SP140: variants seen among roughly 807,000 people sequenced by gnomAD.
SP140 encodes the protein SP140 nuclear body protein.
A neutral mutation model predicts 125.0 loss-of-function variants in SP140; 81 were observed. The ratio of observed to expected loss-of-function variants is 0.65; its 90% confidence interval spans 0.54 to 0.78. SP140 has a LOEUF of 0.78. SP140 is among the 30% of genes least tolerant of loss of function. The probability of loss-of-function intolerance (pLI) is 0.00; values close to 1 mark genes in which losing one functional copy is unlikely to be tolerated. For missense variants in SP140, 858 were observed against 1,037.0 expected (o/e 0.83, Z 2.37); for synonymous variants, 312 against 354.0 (o/e 0.88, Z 1.33).
intron 3 of SP140, among the ~76,000 whole-genome samples, chr2:230,214,626 CCAGA>C (rs1391827515): frequency 6.6e-6 from 1 of 152,230 alleles, no homozygotes; most frequent in African/African-American, 2.4e-5. Context: ...TGTCCTTCCA[CCAGA>C]CCTGATCTTT....
chr2:230,293,341 A>AT (rs925375642), intron 20 of SP140, among the ~76,000 whole-genome samples: 7 of 152,214 alleles, frequency 4.6e-5, no homozygotes, highest in East Asian at 3.9e-4. Context: ...ATTTTATTTT[A>AT]TTTATTTATT....
intron 7 of SP140, 33 bp from the exon 8 acceptor site, chr2:230,247,883 T>C (rs754790503): frequency 6.2e-7 from 1 of 1,602,534 alleles, no homozygotes; most frequent in East Asian, 2.2e-5. Context: ...GGAAATTACA[T>C]ACACTCTCAG....
upstream of SP140, among the ~76,000 whole-genome samples, chr2:230,224,101 T>C (rs1344074848): frequency 1.3e-5 from 2 of 152,234 alleles, no homozygotes; most frequent in African/African-American, 4.8e-5. Flanking sequence ...AGGCTATCCT[T>C]ACCTGGGCTA....
intron 12 of SP140, among the ~76,000 whole-genome samples, chr2:230,266,012 T>C (rs66596912): frequency 0.079 from 12,079 of 152,208 alleles, 669 homozygotes; most frequent in South Asian, 0.19. Context: ...ATCGTGAAGA[T>C]CTGTTCCATT....
chr2:230,206,086 C>T (rs759804842), intron 1 of SP140, among the ~76,000 whole-genome samples: 6 of 152,138 alleles, frequency 3.9e-5, no homozygotes, highest in Non-Finnish European at 7.4e-5. Context: ...CTTAAAAGGA[C>T]ACCAGCCCTG....
At chr2:230,272,709 G>T (rs776456691) in intron 15 of SP140, among the ~76,000 whole-genome samples, 2 of 152,130 alleles carry the variant, frequency 1.3e-5, no homozygotes, top group Non-Finnish European at 2.9e-5. Context: ...GACTAATACA[G>T]TAACCAAATC....
At chr2:230,292,027 A>G (rs1197929583) in intron 19 of SP140, among the ~76,000 whole-genome samples, 1 of 152,234 alleles carries the variant, frequency 6.6e-6, no homozygotes, top group Non-Finnish European at 1.5e-5. Context: ...AATGGTGTTG[A>G]GCATGTGACT....
chr2:230,301,557 A>AT, intron 22 of SP140, among the ~76,000 whole-genome samples: 1 of 152,362 alleles, frequency 6.6e-6, no homozygotes, highest in Middle Eastern at 3.4e-3. Flanking sequence ...TGAAGGAAAG[A>AT]TAAAGTCTTT....
At position 230,211,925 on chromosome 2, in the gene SP140, A is replaced by G. The variant is rs933831038; in HGVS notation, c.-322-1729A>G. 6.6e-6 allele frequency among the ~76,000 whole-genome samples: 1 copy of G among 152,230 alleles called. No homozygotes were observed. Among genetic ancestry groups the G allele is most frequent in the South Asian group, 2.1e-4 (1 of 4,834 alleles). ...ACGTTTAATGTAATCAAACTCCATTATGATGATGGTTTGGGGAGGACAAGT... is the reference window on the plus strand; with the variant it reads ...ACGTTTAATGTAATCAAACTCCATTGTGATGATGGTTTGGGGAGGACAAGT... On this transcript the variant is annotated intron_variant, in intron 1 of 4. Transcript: ENST00000456542. The surrounding 1 kb of genome is among the most constrained non-coding windows in gnomAD (Gnocchi z 4.2).
rs868703292 is a variant in SP140 at position 230,213,085 on chromosome 2, A to G, written c.-322-569A>G. The G allele has an allele frequency of 4.4e-6, 7 of 1,575,348 alleles. No individual in the cohort carries two copies. In the Middle Eastern group the frequency reaches 1.2e-3, roughly 271 times the overall value. ...CTGGAGACTCAGAATTACTTGGGGA[A>G]GGGGATTTCTTAATACATGCCTTCC... On this transcript the variant is annotated intron_variant, in intron 1 of 4. Transcript: ENST00000456542.
intron 22 of SP140, among the ~76,000 whole-genome samples, chr2:230,299,897 T>C (rs1292044724): frequency 6.6e-6 from 1 of 152,150 alleles, no homozygotes; most frequent in Non-Finnish European, 1.5e-5. Flanking sequence ...TAATCCCCTC[T>C]GGAACATAAA....
rs986216890 is a variant in SP140, at chr2:230,287,806, C to T, written c.1646-86C>T. On this transcript the variant is annotated intron_variant, in intron 17 of 26. Transcript: ENST00000392045. Reference sequence around the variant, plus strand: ...CATTAAACAGGCTTTTGGAAAGTTACATTTAAATGGAATTTTTGAAAAGCT... The same window carrying T: ...CATTAAACAGGCTTTTGGAAAGTTATATTTAAATGGAATTTTTGAAAAGCT... The T allele has an allele frequency of 5.7e-5, 67 of 1,176,874 alleles. No individual in the cohort carries two copies. In the Admixed American group the frequency reaches 6.2e-4, roughly 11 times the overall value. 72.9% of individuals were successfully genotyped at this position (1,176,874 alleles called of 1,614,324 possible). A position where few individuals can be genotyped will look rare whatever the true frequency, so the allele number is the denominator to read the frequency against.
chr2:230,261,940 G>A (rs1211251574), intron 12 of SP140, among the ~76,000 whole-genome samples: 5 of 152,088 alleles, frequency 3.3e-5, no homozygotes, highest in Admixed American at 6.6e-5. Flanking sequence ...CTTTCCTGGT[G>A]TTGGTATTAG....
chr2:230,211,548 T>C lies in SP140; in HGVS notation c.-322-2106T>C. 6.2e-7 allele frequency: 1 copy of C among 1,601,590 alleles called. No homozygotes were observed. The highest frequency in any genetic ancestry group is 1.1e-5 in the South Asian group (1 of 90,832). ...CTTATTTGGGGGATCAGGTTGTCAC[T>C]GGCCACTGAATGGAGGAAGAAAAAG... On this transcript the variant is annotated intron_variant, in intron 1 of 4. Coordinates refer to the SP140 transcript ENST00000456542. The surrounding 1 kb of genome is among the most constrained non-coding windows in gnomAD (Gnocchi z 4.2).
intron 3 of SP140, chr2:230,238,921 T>C (rs778539975): frequency 6.5e-6 from 10 of 1,548,086 alleles, no homozygotes; most frequent in East Asian, 4.9e-5. Context: ...TTCCGAACCA[T>C]GTGGTTGAAT....
At chr2:230,236,931 A>G in intron 1 of SP140, 152 bp from the exon 2 acceptor site, 1 of 537,258 alleles carries the variant, frequency 1.9e-6, no homozygotes, top group Non-Finnish European at 3.1e-6. Context: ...CCCAAAATAA[A>G]TAAATTCCAT....
rs2051034658 is a variant in SP140 at position 230,255,540 on chromosome 2, C to T, written c.1240+8C>T. 1 of 1,561,326 alleles carries T rather than the reference C, an allele frequency of 6.4e-7. No individual in the cohort carries two copies. Among genetic ancestry groups the T allele is most frequent in the Non-Finnish European group, 8.8e-7 (1 of 1,138,972 alleles). On this transcript the variant is annotated splice_region_variant and intron_variant, in intron 12 of 26. Transcript: ENST00000392045. The stretch of plus-strand genomic sequence containing the variant: ...TAGCAAGACGTGGGTCAGGTAAGGA[C>T]GGGGGGGGGGATTTCTGGCCCTGGG...
At chr2:230,275,746 A>G (rs1425374763) in intron 15 of SP140, among the ~76,000 whole-genome samples, 1 of 152,224 alleles carries the variant, frequency 6.6e-6, no homozygotes, top group Non-Finnish European at 1.5e-5. Flanking sequence ...AAAAGCTGAG[A>G]GGCTGAAAAC....
At chr2:230,308,400 A>T (rs889100463) in intron 22 of SP140, among the ~76,000 whole-genome samples, 1 of 152,028 alleles carries the variant, frequency 6.6e-6, no homozygotes, top group Non-Finnish European at 1.5e-5. Flanking sequence ...ATAATTTTTT[A>T]AAAAGATTAA....
Sources: allele counts gnomAD v4.1 joint callset (sites outside exome capture counted in the v4.1 genomes callset), GRCh38; gene constraint gnomAD v4.1.1; non-coding constraint Gnocchi (gnomAD v3.1); transcripts MANE v1.5; gene names NCBI Gene and HGNC (gene_info 2026-07-23, HGNC 2026-07-21).